The following ERCC6L2 variants were observed in gnomAD, a reference collection of about 807,000 sequenced individuals.
The protein encoded by ERCC6L2 is ERCC excision repair 6 like 2.
ERCC6L2 carries 77 observed loss-of-function variants against 132.0 expected under a neutral mutation model. That is an observed-to-expected ratio of 0.58 (90% CI 0.49 to 0.71). The LOEUF (loss-of-function observed/expected upper bound fraction) is 0.71, where lower values mean the gene tolerates loss of function less well. Among genes scored for constraint, ERCC6L2 ranks in the 30% least tolerant of loss-of-function variants. The pLI is 0.00. For synonymous variants in ERCC6L2, 583 were observed against 632.4 expected (o/e 0.92, Z 1.17); for missense variants, 1,542 against 1,837.6 (o/e 0.84, Z 2.94).
chr9:95,881,105 C>G lies in ERCC6L2; in HGVS notation c.283C>G (p.Pro95Ala), dbSNP rs138730206. Reference protein sequence around the residue: ...DDEDLEKPYFPNRKFPSSSVA... With the variant: ...DDEDLEKPYFANRKFPSSSVA... ...TGAAGATTTAGAAAAACCTTATTTC[C>G]CAAACCGAAAATTTCCATCATCTTC... is the stretch of plus-strand genomic sequence containing the variant. The change falls in exon 2 of 19, where the codon CCA becomes GCA. Residue 95 changes from proline (P) to alanine (A), a missense_variant. Transcript: ENST00000653738. 283 of 1,613,118 alleles carry G rather than the reference C, an allele frequency of 1.8e-4. No individual in the cohort carries two copies. The highest frequency in any genetic ancestry group is 2.3e-4 in the Non-Finnish European group (274 of 1,179,774).
At chr9:95,900,265 G>A (rs1828701826) in intron 3 of ERCC6L2, among the ~76,000 whole-genome samples, 1 of 151,998 alleles carries the variant, frequency 6.6e-6, no homozygotes, top group Non-Finnish European at 1.5e-5. Context: ...GTGTGTGTCT[G>A]TGGTCTCAGC....
intron 17 of ERCC6L2, 94 bp downstream of exon 17, chr9:95,978,309 G>A (rs1832757929): frequency 6.4e-6 from 5 of 777,250 alleles, no homozygotes; most frequent in Non-Finnish European, 8.6e-6. Flanking sequence ...CTCAAAAGTA[G>A]CAACAAAAAC....
At chr9:96,037,667 C>T (rs771913816) in intron 19 of ERCC6L2, among the ~76,000 whole-genome samples, 1 of 152,076 alleles carries the variant, frequency 6.6e-6, no homozygotes, top group Non-Finnish European at 1.5e-5. Flanking sequence ...CAGGGAATAG[C>T]TTCTGAGCAC....
At chr9:95,885,391 A>G (rs1032181043) in intron 2 of ERCC6L2, among the ~76,000 whole-genome samples, 6 of 152,326 alleles carry the variant, frequency 3.9e-5, no homozygotes, top group African/African-American at 1.4e-4. Flanking sequence ...CCTCATGTCC[A>G]TTGTGCCCTT....
chr9:95,963,910 C>G (rs1164826722), intron 13 of ERCC6L2, among the ~76,000 whole-genome samples: 1 of 152,094 alleles, frequency 6.6e-6, no homozygotes, highest in East Asian at 1.9e-4. Context: ...GGTGACCTGC[C>G]CTACTACTGC....
chr9:96,001,355 G>C (rs1303182610), intron 17 of ERCC6L2, among the ~76,000 whole-genome samples: 1 of 152,120 alleles, frequency 6.6e-6, no homozygotes, highest in Admixed American at 6.5e-5. Context: ...GGCCTGTTTT[G>C]TCAGGGCGCT....
chr9:95,947,771 A>G (rs1036833416), intron 12 of ERCC6L2, among the ~76,000 whole-genome samples: 1 of 152,126 alleles, frequency 6.6e-6, no homozygotes, highest in Non-Finnish European at 1.5e-5. Context: ...TGCTAACTCT[A>G]CTCTGCCTGT....
At chr9:95,938,951 G>A (rs1830676813) in intron 11 of ERCC6L2, among the ~76,000 whole-genome samples, 1 of 149,294 alleles carries the variant, frequency 6.7e-6, no homozygotes, top group South Asian at 2.2e-4. Context: ...GTATTGCTTT[G>A]TGTAGCTTCC....
chr9:95,884,292 G>A (rs1450733054), intron 2 of ERCC6L2, among the ~76,000 whole-genome samples: 2 of 152,160 alleles, frequency 1.3e-5, no homozygotes, highest in Non-Finnish European at 2.9e-5. Context: ...TTTCTACATA[G>A]ATAGGTGGTT....
chr9:96,016,080 A>G lies in ERCC6L2; in HGVS notation c.*2877A>G, dbSNP rs921720835. On this transcript the variant is annotated 3_prime_UTR_variant, in exon 19 of 19. Transcript: ENST00000653738. ...AGGAAGGTTTGACAAGATCCTTCCT[A>G]CCCCCACTCCACTGGTGATGTGTCA... 6.6e-6 allele frequency among the ~76,000 whole-genome samples: 1 copy of G among 152,122 alleles called. No individual in the cohort carries two copies. Among genetic ancestry groups the G allele is most frequent in the Admixed American group, 6.5e-5 (1 of 15,272 alleles).
chr9:96,003,967 G>A (rs1037867403), intron 17 of ERCC6L2, among the ~76,000 whole-genome samples: 2 of 152,152 alleles, frequency 1.3e-5, no homozygotes, highest in Non-Finnish European at 2.9e-5. Flanking sequence ...CTCTGTAAAA[G>A]GAGTATGATT....
At chr9:95,994,644 T>C (rs1432314190) in intron 17 of ERCC6L2, among the ~76,000 whole-genome samples, 1 of 152,192 alleles carries the variant, frequency 6.6e-6, no homozygotes, top group East Asian at 1.9e-4. Flanking sequence ...CCTTGGAGTA[T>C]ACAGATGAGC....
chr9:95,934,256 G>A (rs761632652), intron 11 of ERCC6L2, among the ~76,000 whole-genome samples: 1 of 152,058 alleles, frequency 6.6e-6, no homozygotes, highest in Non-Finnish European at 1.5e-5. Context: ...AGGATATGTA[G>A]ATCAGATAGT....
rs564137015 is a variant in ERCC6L2, at chr9:95,924,524, C to G, written c.1533+1145C>G. On this transcript the variant is annotated intron_variant, in intron 9 of 18. Coordinates refer to ENST00000653738, the MANE Select transcript of ERCC6L2 (RefSeq NM_020207.7). ...CGGTTTAGAACTGAGCACTTACTAT[C>G]CCACAGTTTAAACCAGTAGAACATT... 1.1e-4 allele frequency among the ~76,000 whole-genome samples: 17 copies of G among 152,066 alleles called. No homozygotes were observed. In the South Asian group the frequency reaches 3.5e-3, roughly 32 times the overall value.
At chr9:95,933,861 A>G in intron 11 of ERCC6L2, among the ~76,000 whole-genome samples, 1 of 151,894 alleles carries the variant, frequency 6.6e-6, no homozygotes, top group Non-Finnish European at 1.5e-5. Context: ...AAAAAAAAAA[A>G]AAAGAAGTCT....
intron 2 of ERCC6L2, among the ~76,000 whole-genome samples, chr9:95,892,813 T>C (rs189955775): frequency 6.6e-6 from 1 of 152,220 alleles, no homozygotes; most frequent in Non-Finnish European, 1.5e-5. Context: ...GATTGTTATA[T>C]CTTCCTGATG....
rs145399280 is a variant in ERCC6L2, at chr9:96,006,035, C to G, written c.3674+1334C>G. ...CAAGAGAGGAAAAAATTCAGGAGTT[C>G]CCTTTTGCACGTATTAAATGTGACA... On this transcript the variant is annotated intron_variant, in intron 18 of 18. Transcript: ENST00000653738. Among the ~76,000 whole-genome samples, 627 of 152,246 alleles carry G rather than the reference C, an allele frequency of 4.1e-3. 4 individuals carry two copies. Among genetic ancestry groups the G allele is most frequent in the African/African-American group, 0.014 (600 of 41,532 alleles).
chr9:95,876,254 G>A (rs1008869239), intron 1 of ERCC6L2, 170 bp downstream of exon 1: 5 of 577,846 alleles, frequency 8.7e-6, no homozygotes, highest in Non-Finnish European at 1.2e-5. Context: ...ATTCAGTGTT[G>A]AGAACCTGGA....
intron 12 of ERCC6L2, among the ~76,000 whole-genome samples, chr9:95,949,031 TAAAA>T (rs1564252747): frequency 6.7e-6 from 1 of 150,166 alleles, no homozygotes; most frequent in African/African-American, 2.5e-5. Context: ...AGATAGAAAT[TAAAA>T]AAAGAAAAAA....
Sources: gnomAD v4.1 joint callset for allele counts (sites outside exome capture counted in the v4.1 genomes callset) on GRCh38, gnomAD v4.1.1 for gene constraint, MANE v1.5 for transcripts, NCBI Gene and HGNC (gene_info 2026-07-23, HGNC 2026-07-21) for gene names.